The following AGBL4 variants were observed in gnomAD, a reference collection of about 807,000 sequenced individuals.
AGBL4 encodes cytosolic carboxypeptidase 6.
In AGBL4, 58 loss-of-function variants were observed where a neutral mutation model predicts 66.4. That is an observed-to-expected ratio of 0.87 (90% confidence interval 0.71 to 1.09). The LOEUF is 1.09. Among genes scored for constraint, AGBL4 ranks in the 50% least tolerant of loss-of-function variants. The pLI, the probability that AGBL4 is intolerant of heterozygous loss-of-function variation, is 0.00. For missense variants in AGBL4, 579 were observed against 631.0 expected, an observed-to-expected ratio of 0.92 and a Z score of 0.88; for synonymous variants, 234 against 222.9, an observed-to-expected ratio of 1.05 and a Z score of -0.44.
At chr1:49,085,481 T>C (rs2147966684) in intron 4 of AGBL4, among the ~76,000 whole-genome samples, 1 of 152,022 alleles carries the variant, frequency 6.6e-6, no homozygotes. Context: ...TATGAGCCAA[T>C]TACTATAAAA....
intron 1 of AGBL4, among the ~76,000 whole-genome samples, chr1:49,917,150 A>G (rs2148227402): frequency 6.6e-6 from 1 of 152,294 alleles, no homozygotes. Context: ...TATAAACACC[A>G]TTGATGCTAG....
At chr1:48,725,836 T>C (rs1454236639) in intron 6 of AGBL4, among the ~76,000 whole-genome samples, 1 of 152,254 alleles carries the variant, frequency 6.6e-6, no homozygotes, top group African/African-American at 2.4e-5. Flanking sequence ...AATTAGTGTG[T>C]GAAGCCTCCC....
chr1:48,750,203 A>G (rs187104989), intron 6 of AGBL4, among the ~76,000 whole-genome samples: 226 of 152,266 alleles, frequency 1.5e-3, no homozygotes, highest in African/African-American at 5.0e-3. Flanking sequence ...GCAACTCAGG[A>G]GTTGAAGGAC....
chr1:49,089,369 A>G (rs1000574178), intron 4 of AGBL4, among the ~76,000 whole-genome samples: 8 of 151,950 alleles, frequency 5.3e-5, no homozygotes, highest in Non-Finnish European at 1.0e-4. Flanking sequence ...CTAGACTAAT[A>G]AAGAAAAAAG....
At chr1:49,637,336 T>C (rs1330696761) in intron 3 of AGBL4, among the ~76,000 whole-genome samples, 1 of 152,192 alleles carries the variant, frequency 6.6e-6, no homozygotes, top group African/African-American at 2.4e-5. Context: ...AGTCTTGCTC[T>C]GTCACCCAGG....
At chr1:49,061,462 G>A (rs1333105511) in intron 4 of AGBL4, among the ~76,000 whole-genome samples, 2 of 152,178 alleles carry the variant, frequency 1.3e-5, no homozygotes, top group Non-Finnish European at 2.9e-5. Context: ...AGGGATGGCA[G>A]GCTATCAGGT....
intron 11 of AGBL4, among the ~76,000 whole-genome samples, chr1:48,563,324 TAATGACAAGAGTTACTC>T (rs1644424830): frequency 6.6e-6 from 1 of 152,236 alleles, no homozygotes; most frequent in African/African-American, 2.4e-5. Flanking sequence ...CATCTCTTGC[TAATGACAAGAGTTACTC>T]ACTTAGGCAA....
At chr1:49,053,052 A>C (rs1275882121) in intron 4 of AGBL4, among the ~76,000 whole-genome samples, 1 of 152,184 alleles carries the variant, frequency 6.6e-6, no homozygotes, top group Non-Finnish European at 1.5e-5. Context: ...GGTACCTGAC[A>C]CATACGGGGT....
intron 1 of AGBL4, among the ~76,000 whole-genome samples, chr1:49,863,524 G>T (rs1353913372): frequency 6.6e-6 from 1 of 152,110 alleles, no homozygotes; most frequent in Non-Finnish European, 1.5e-5. Flanking sequence ...AATATTTGTA[G>T]AAATTTCATC....
chr1:49,671,832 A>T (rs1209080747), intron 3 of AGBL4, among the ~76,000 whole-genome samples: 1 of 152,290 alleles, frequency 6.6e-6, no homozygotes. Flanking sequence ...AGTCAAAAAA[A>T]TAACAGATAT....
chr1:49,730,403 G>C (rs1649346928), intron 2 of AGBL4, among the ~76,000 whole-genome samples: 2 of 152,168 alleles, frequency 1.3e-5, no homozygotes, highest in African/African-American at 4.8e-5. Flanking sequence ...GTGAAGAGCT[G>C]CAACCCTTCT....
intron 3 of AGBL4, among the ~76,000 whole-genome samples, chr1:49,559,678 C>T (rs929485565): frequency 1.3e-5 from 2 of 152,154 alleles, no homozygotes; most frequent in East Asian, 1.9e-4. Context: ...CATCAGCCTG[C>T]AGGTTCTTCA....
intron 6 of AGBL4, among the ~76,000 whole-genome samples, chr1:48,754,060 G>T (rs1570518908): frequency 6.6e-6 from 1 of 152,298 alleles, no homozygotes; most frequent in East Asian, 1.9e-4. Flanking sequence ...CAGAGCCCTT[G>T]AGAGTCTTAT....
At chr1:49,057,289 G>T (rs1027339500) in intron 4 of AGBL4, among the ~76,000 whole-genome samples, 2 of 152,206 alleles carry the variant, frequency 1.3e-5, no homozygotes, top group African/African-American at 2.4e-5. Context: ...GCGGTGGCAC[G>T]AACCTATAGT....
chr1:49,310,143 C>T lies in AGBL4; in HGVS notation c.283-64279G>A, dbSNP rs554633143. 2.6e-5 allele frequency among the ~76,000 whole-genome samples: 4 copies of T among 152,030 alleles called. No homozygotes were observed. In the South Asian group the frequency reaches 6.2e-4, roughly 24 times the overall value. On this transcript the variant is annotated intron_variant, in intron 3 of 13. Transcript: ENST00000371839. ...GAGCAAGTGATGAGTGTGGCAGGAT[C>T]GGGGTGAATGAGGGACAATATAGTA...
At chr1:49,385,997 A>G (rs1028688423) in intron 3 of AGBL4, among the ~76,000 whole-genome samples, 4 of 152,008 alleles carry the variant, frequency 2.6e-5, no homozygotes, top group Admixed American at 2.0e-4. Context: ...GTAGCACCCA[A>G]TGTAGTTAAT....
intron 5 of AGBL4, among the ~76,000 whole-genome samples, chr1:48,985,018 A>C (rs1660070627): frequency 6.6e-6 from 1 of 152,122 alleles, no homozygotes; most frequent in Non-Finnish European, 1.5e-5. Flanking sequence ...GAGGATGTTC[A>C]CTTCTAGCTG....
intron 9 of AGBL4, among the ~76,000 whole-genome samples, chr1:48,617,550 C>T (rs1645339400): frequency 6.6e-6 from 1 of 152,140 alleles, no homozygotes; most frequent in African/African-American, 2.4e-5. Flanking sequence ...CTATGCAGAC[C>T]CGCCTCCTTC....
At chr1:49,425,366 G>T (rs1645633904) in intron 3 of AGBL4, among the ~76,000 whole-genome samples, 1 of 152,096 alleles carries the variant, frequency 6.6e-6, no homozygotes, top group South Asian at 2.1e-4. Context: ...GGTGGTCAAA[G>T]AATGTGCAGC....
Sources: gnomAD v4.1 joint callset for allele counts (sites outside exome capture counted in the v4.1 genomes callset) on GRCh38, gnomAD v4.1.1 for gene constraint, MANE v1.5 for transcripts, NCBI Gene and HGNC (gene_info 2026-07-23, HGNC 2026-07-21) for gene names.